Variants in DST observed in about 807,000 individuals in gnomAD.
DST encodes the protein dystonin.
In DST, 253 loss-of-function variants were observed where a neutral mutation model predicts 875.2. That is an observed-to-expected ratio of 0.29 (90% CI 0.26 to 0.32). DST has a LOEUF of 0.32. Ranked by LOEUF, DST falls within the 10% of genes least tolerant of loss-of-function variation. DST has a pLI of 1.00. For synonymous variants in DST, 3,124 were observed against 3,197.1 expected (o/e 0.98, Z 0.77); for missense variants, 8,287 against 9,111.6 (o/e 0.91, Z 3.68).
intron 4 of DST, among the ~76,000 whole-genome samples, chr6:56,746,916 T>C (rs1168939433): frequency 6.6e-6 from 1 of 152,042 alleles, no homozygotes; most frequent in Non-Finnish European, 1.5e-5. Context: ...CTGGACTTGC[T>C]CTTAGGCTGA....
In DST at chr6:56,527,534, G is replaced by A. The variant is rs926895596; in HGVS notation, c.17881C>T (p.Leu5961=). The part of the protein sequence containing the change: ...VELLSYETQV[L]KGEEASQAQM... Reference sequence around the variant, plus strand: ...GCTTGACTTGCTTCTTCTCCTTTCAGAACCTGAGTTTCATATGAAAGTAAT... The same window carrying A: ...GCTTGACTTGCTTCTTCTCCTTTCAAAACCTGAGTTTCATATGAAAGTAAT... Residue 5961 remains leucine, a synonymous_variant, in exon 68 of 104, where the codon CTG becomes TTG. Transcript: ENST00000680361. The A allele has an allele frequency of 6.2e-7, 1 of 1,613,668 alleles. No individual in the cohort carries two copies. The highest frequency in any genetic ancestry group is 8.5e-7 in the Non-Finnish European group (1 of 1,179,794).
intron 5 of DST, among the ~76,000 whole-genome samples, chr6:56,706,013 A>G (rs1312819710): frequency 1.3e-5 from 2 of 152,250 alleles, no homozygotes; most frequent in African/African-American, 4.8e-5. Flanking sequence ...CCTTGTTTAG[A>G]AAAACCTGTA....
intron 2 of DST, among the ~76,000 whole-genome samples, chr6:56,947,966 A>G (rs1236047562): frequency 2.5e-5 from 1 of 40,688 alleles, no homozygotes; most frequent in South Asian, 1.4e-3. Flanking sequence ...CACACCTATG[A>G]TAAAGTGTAA....
chr6:56,533,656 T>C (rs2096938335), intron 63 of DST, among the ~76,000 whole-genome samples: 1 of 152,170 alleles, frequency 6.6e-6, no homozygotes, highest in African/African-American at 2.4e-5. Context: ...CAAAATCAAT[T>C]AATAGGTTTT....
At chr6:56,668,892 A>G (rs7760542) in intron 10 of DST, among the ~76,000 whole-genome samples, 17,709 of 151,996 alleles carry the variant, frequency 0.12, 2,216 homozygotes, top group African/African-American at 0.32. Flanking sequence ...AGAAAAGGGG[A>G]GAGAAAAGAG....
chr6:56,705,364 C>G (rs150634716), intron 5 of DST, among the ~76,000 whole-genome samples: 1 of 152,290 alleles, frequency 6.6e-6, no homozygotes, highest in Non-Finnish European at 1.5e-5. Context: ...CTCCTTTGCA[C>G]TTCCAAAATG....
chr6:56,943,430 C>CTTTTTTTTTTTT (rs1408845257), intron 2 of DST, among the ~76,000 whole-genome samples: 1 of 136,006 alleles, frequency 7.4e-6, no homozygotes, highest in Non-Finnish European at 1.6e-5. Flanking sequence ...TTTTCTTTTT[C>CTTTTTTTTTTTT]TTTTTTTTTT....
At chr6:56,569,523 G>A (rs1585145412) in intron 54 of DST, among the ~76,000 whole-genome samples, 1 of 152,068 alleles carries the variant, frequency 6.6e-6, no homozygotes, top group East Asian at 1.9e-4. Context: ...AATGCTGAGT[G>A]AAGAGGATGT....
chr6:56,702,375 GTA>G (rs556804277), intron 7 of DST, among the ~76,000 whole-genome samples: 328 of 149,122 alleles, frequency 2.2e-3, no homozygotes, highest in African/African-American at 7.8e-3. Flanking sequence ...TTTTATAACT[GTA>G]TATACACACA....
At chr6:56,718,202 G>A (rs753741490) in intron 5 of DST, among the ~76,000 whole-genome samples, 15 of 152,252 alleles carry the variant, frequency 9.9e-5, no homozygotes, top group South Asian at 2.1e-4. Context: ...CCTATCCTAG[G>A]TGACAGAGCA....
At position 56,561,341 on chromosome 6, in the gene DST, A is replaced by C; in HGVS notation, c.14277T>G (p.Thr4759=). ...GCTCAACTTGAGTCTTCACAGCTTC[A>C]GTATCTGTAGGTGCAGGTGTCTGCT... ...KWQQTPAPTD[T]EAVKTQVEQN... The change falls in exon 57 of 104, where the codon ACT becomes ACG. Residue 4759 remains threonine (T), a synonymous_variant. Coordinates refer to ENST00000680361, the MANE Select transcript of DST (RefSeq NM_001374736.1). The C allele has an allele frequency of 1.9e-6, 3 of 1,613,582 alleles. No homozygotes were observed. Among genetic ancestry groups the C allele is most frequent in the Non-Finnish European group, 2.5e-6 (3 of 1,179,680 alleles).
chr6:56,616,540 C>T (rs755726537), intron 36 of DST: 4 of 1,614,162 alleles, frequency 2.5e-6, no homozygotes, highest in Middle Eastern at 1.6e-4. Flanking sequence ...CAAATACACA[C>T]ATTCGCAGTA....
intron 4 of DST, among the ~76,000 whole-genome samples, chr6:56,850,291 C>T (rs1199084996): frequency 6.6e-6 from 1 of 151,996 alleles, no homozygotes; most frequent in East Asian, 1.9e-4. Flanking sequence ...ATCAGAAAAT[C>T]CCACTGGGGG....
intron 2 of DST, among the ~76,000 whole-genome samples, chr6:56,935,431 T>C (rs1052232160): frequency 7.9e-5 from 12 of 152,268 alleles, no homozygotes; most frequent in Non-Finnish European, 1.5e-4. Flanking sequence ...CTTTTAATGA[T>C]TCTTCAAAGT....
At chr6:56,690,510 T>C (rs1022566925) in intron 9 of DST, among the ~76,000 whole-genome samples, 4 of 152,132 alleles carry the variant, frequency 2.6e-5, no homozygotes, top group African/African-American at 7.2e-5. Flanking sequence ...GAATGATGAA[T>C]GTCACAGGAC....
At chr6:56,738,558 G>T (rs981292294) in intron 4 of DST, among the ~76,000 whole-genome samples, 2 of 152,126 alleles carry the variant, frequency 1.3e-5, no homozygotes, top group African/African-American at 4.8e-5. Context: ...CTGACCTCGT[G>T]ATCGGCCCGC....
chr6:56,679,391 G>T (rs969994259), intron 9 of DST, among the ~76,000 whole-genome samples: 1 of 151,854 alleles, frequency 6.6e-6, no homozygotes, highest in African/African-American at 2.4e-5. Context: ...CCTCAGCTAG[G>T]TACTCAAAGA....
At chr6:56,655,746 A>G (rs1172989051) in intron 10 of DST, among the ~76,000 whole-genome samples, 1 of 152,194 alleles carries the variant, frequency 6.6e-6, no homozygotes, top group African/African-American at 2.4e-5. Flanking sequence ...ACCCCCGTAC[A>G]TGACATTACC....
chr6:56,763,345 T>C (rs1409427658), intron 4 of DST, among the ~76,000 whole-genome samples: 1 of 152,112 alleles, frequency 6.6e-6, no homozygotes, highest in African/African-American at 2.4e-5. Flanking sequence ...GTCCAACATG[T>C]CCTAGCTTTT....
Sources: allele counts gnomAD v4.1 joint callset (sites outside exome capture counted in the v4.1 genomes callset), GRCh38; gene constraint gnomAD v4.1.1; transcripts MANE v1.5; gene names NCBI Gene and HGNC (gene_info 2026-07-23, HGNC 2026-07-21).